The following WDR33 variants were observed in gnomAD, a reference collection of about 807,000 sequenced individuals.
WDR33 encodes WD repeat domain 33, also known as pre-mRNA 3' end processing protein WDR33.
WDR33 carries 47 observed loss-of-function variants against 164.9 expected under a neutral mutation model. The observed-to-expected ratio is 0.29, with a 90% CI of 0.23 to 0.36. The LOEUF (loss-of-function observed/expected upper bound fraction) is 0.36, where lower values mean the gene tolerates loss of function less well. Ranked by LOEUF, WDR33 falls within the 10% of genes least tolerant of loss-of-function variation. The pLI, the probability that WDR33 is intolerant of heterozygous loss-of-function variation, is 1.00. For synonymous variants in WDR33, 505 were observed against 589.0 expected, an observed-to-expected ratio of 0.86 and a Z score of 2.06; for missense variants, 1,137 against 1,754.1, an observed-to-expected ratio of 0.65 and a Z score of 6.28.
intron 7 of WDR33, among the ~76,000 whole-genome samples, chr2:127,731,517 G>A (rs967025353): frequency 2.0e-5 from 3 of 152,076 alleles, no homozygotes; most frequent in Non-Finnish European, 4.4e-5. Context: ...CCCTATGACT[G>A]CAAAAGCACA....
chr2:127,709,487 T>C lies in WDR33; in HGVS notation c.3565+3A>G, dbSNP rs1194475818. On this transcript the variant is annotated splice_donor_region_variant and intron_variant, in intron 20 of 21. Transcript: ENST00000322313. The surrounding 1 kb of genome is among the most constrained non-coding windows in gnomAD (Gnocchi z 5.0). ...TTACCCAACAAGCGGTTCTTTTCCT[T>C]ACCAGGCTCTCTGTTTCCATCCCAG... 6.2e-7 allele frequency: 1 copy of C among 1,613,826 alleles called. No individual in the cohort carries two copies. The highest frequency in any genetic ancestry group is 8.5e-7 in the Non-Finnish European group (1 of 1,179,730).
intron 1 of WDR33, among the ~76,000 whole-genome samples, chr2:127,777,232 C>G (rs1272591512): frequency 6.6e-6 from 1 of 152,240 alleles, no homozygotes; most frequent in East Asian, 1.9e-4. Flanking sequence ...GCAATCAGCA[C>G]AGTTTTATCA....
rs1686924365 is a variant in WDR33, at chr2:127,738,683, T to TGAGAGAAATAGTAGATA, written c.725-11907_725-11906insTATCTACTATTTCTCTC. Among the ~76,000 whole-genome samples, 1 of 152,178 alleles carries TGAGAGAAATAGTAGATA rather than the reference T, an allele frequency of 6.6e-6. No individual in the cohort carries two copies. The highest frequency in any genetic ancestry group is 1.5e-5 in the Non-Finnish European group (1 of 68,032). ...TCTCAAAAACCGACAATTCCCTGTC[T>TGAGAGAAATAGTAGATA]AATCATGAGAGAAATAGTAGATAAA... On this transcript the variant is annotated intron_variant, in intron 7 of 21. Transcript: ENST00000322313. This position sits in a 1 kb window ranked among gnomAD's most constrained non-coding sequence, Gnocchi z 4.4.
chr2:127,784,507 A>G (rs1688492729), intron 1 of WDR33, among the ~76,000 whole-genome samples: 1 of 152,146 alleles, frequency 6.6e-6, no homozygotes, highest in African/African-American at 2.4e-5. Context: ...CTCAGCCTCC[A>G]GAGTAGCGGG....
chr2:127,779,050 T>C (rs10168834), intron 1 of WDR33, among the ~76,000 whole-genome samples: 3,231 of 152,064 alleles, frequency 0.021, 124 homozygotes, highest in African/African-American at 0.075. Context: ...ATCAAAAAAA[T>C]GCTGACATGA....
At position 127,770,715 on chromosome 2, in the gene WDR33, A is replaced by G. The variant is rs1438122813; in HGVS notation, c.204+63T>C. On this transcript the variant is annotated intron_variant, in intron 2 of 21. Transcript: ENST00000322313. The surrounding 1 kb of genome is among the most constrained non-coding windows in gnomAD (Gnocchi z 4.9). ...TCAAAATAAATAAATAAATAAATAAATAAATAAATAAATAAATAAATAACC... is the reference window on the plus strand; with the variant it reads ...TCAAAATAAATAAATAAATAAATAAGTAAATAAATAAATAAATAAATAACC... 1.1e-6 allele frequency: 1 copy of G among 890,648 alleles called. No individual in the cohort carries two copies. Among genetic ancestry groups the G allele is most frequent in the African/African-American group, 1.8e-5 (1 of 56,266 alleles). 55.2% of individuals were successfully genotyped at this position (890,648 alleles called of 1,614,324 possible).
chr2:127,795,246 G>A (rs545910010), intron 1 of WDR33, among the ~76,000 whole-genome samples: 5 of 151,674 alleles, frequency 3.3e-5, no homozygotes, highest in South Asian at 4.1e-4. Flanking sequence ...GACTACAGGC[G>A]TGTACCACCA....
At position 127,709,336 on chromosome 2, in the gene WDR33, G is replaced by A. The variant is rs1686094469; in HGVS notation, c.3565+154C>T. Among the ~76,000 whole-genome samples the A allele has an allele frequency of 6.6e-6, 1 of 152,190 alleles. No homozygotes were observed. Among genetic ancestry groups the A allele is most frequent in the African/African-American group, 2.4e-5 (1 of 41,440 alleles). ...CTCTGCTCTGCATTCCACCTGCTGA[G>A]ATCAAGTGCTGCGGCTGCAGGACAG... On this transcript the variant is annotated intron_variant, in intron 20 of 21. Coordinates refer to ENST00000322313, the MANE Select transcript of WDR33 (RefSeq NM_018383.5). This position sits in a 1 kb window ranked among gnomAD's most constrained non-coding sequence, Gnocchi z 5.0.
rs1344731566 is a variant in WDR33, at chr2:127,718,294, T to C, written c.2760+971A>G. Among the ~76,000 whole-genome samples, 3 of 152,216 alleles carry C rather than the reference T, an allele frequency of 2.0e-5. No homozygotes were observed. Among genetic ancestry groups the C allele is most frequent in the Non-Finnish European group, 4.4e-5 (3 of 68,002 alleles). ...GCTTTCTACATCTGTAGCATCCCCT[T>C]TCTCCAAGTGTCTCAGGGAGTCAAC... On this transcript the variant is annotated intron_variant, in intron 16 of 21. Coordinates refer to ENST00000322313, the MANE Select transcript of WDR33 (RefSeq NM_018383.5). This position sits in a 1 kb window ranked among gnomAD's most constrained non-coding sequence, Gnocchi z 4.4.
At chr2:127,711,772 A>ATTTTTTTTTTTTTTTTT (rs1419760091) in intron 18 of WDR33, among the ~76,000 whole-genome samples, 6 of 87,738 alleles carry the variant, frequency 6.8e-5, no homozygotes, top group Admixed American at 2.3e-4. Context: ...ATATATATAT[A>ATTTTTTTTTTTTTTTTT]TATATATATT....
chr2:127,729,497 T>C (rs1176903456), intron 7 of WDR33, among the ~76,000 whole-genome samples: 1 of 147,998 alleles, frequency 6.8e-6, no homozygotes, highest in African/African-American at 2.5e-5. Flanking sequence ...AGACTATTCT[T>C]TTTTTTTTTT....
chr2:127,711,515 A>G (rs1401499890), intron 18 of WDR33, among the ~76,000 whole-genome samples: 1 of 151,250 alleles, frequency 6.6e-6, no homozygotes, highest in Non-Finnish European at 1.5e-5. Context: ...CGCAGATGTA[A>G]AGCTCTTCTA....
Position 127,703,329 on chromosome 2 carries a change from G to A in WDR33, c.*2994C>T, listed in dbSNP as rs1167321792. ...TTTAAAGCTCCCCAAGTGATTCTAC[G>A]TTCCCCAAGTTTGAGGACCACTTTT... On this transcript the variant is annotated 3_prime_UTR_variant, in exon 22 of 22. Coordinates refer to ENST00000322313, the MANE Select transcript of WDR33 (RefSeq NM_018383.5). 1 of 167,044 alleles carries A rather than the reference G, an allele frequency of 6.0e-6. No homozygotes were observed. Among genetic ancestry groups the A allele is most frequent in the East Asian group, 1.9e-4 (1 of 5,202 alleles). The allele number at this position is 167,044 out of a possible 1,614,324, so 10.3% of individuals were successfully genotyped here. A position where few individuals can be genotyped will look rare whatever the true frequency, so the allele number is the denominator to read the frequency against.
chr2:127,742,540 A>AAAAC (rs1687049181), intron 7 of WDR33, among the ~76,000 whole-genome samples: 1 of 146,966 alleles, frequency 6.8e-6, no homozygotes, highest in African/African-American at 2.5e-5. Context: ...AAAAAAAAAA[A>AAAAC]GGGAAGAAAA....
At chr2:127,750,056 T>C (rs890835534) in intron 7 of WDR33, among the ~76,000 whole-genome samples, 7 of 150,900 alleles carry the variant, frequency 4.6e-5, no homozygotes, top group African/African-American at 1.7e-4. Flanking sequence ...CAGGGTCTCA[T>C]TCTGCCACCC....
Position 127,719,232 on chromosome 2 carries a change from C to G in WDR33, c.2760+33G>C. ...TTACTTCTGTGCAGAGTGTATTTTC[C>G]CAATGTGCCCGTGAGTTGGAAATGA... On this transcript the variant is annotated intron_variant, in intron 16 of 21. Coordinates refer to ENST00000322313, the MANE Select transcript of WDR33 (RefSeq NM_018383.5). The surrounding 1 kb of genome is among the most constrained non-coding windows in gnomAD (Gnocchi z 6.5). 1 of 1,392,578 alleles carries G rather than the reference C, an allele frequency of 7.2e-7. No individual in the cohort carries two copies. 86.3% of individuals were successfully genotyped at this position (1,392,578 alleles called of 1,614,324 possible).
At position 127,737,608 on chromosome 2, in the gene WDR33, G is replaced by A. The variant is rs991838522; in HGVS notation, c.725-10831C>T. On this transcript the variant is annotated intron_variant, in intron 7 of 21. Transcript: ENST00000322313. Reference sequence around the variant, plus strand: ...TACCTACACTACGTTAATAATAGATGTATTAGTGCCAGCAGACAACCCAGG... The same window carrying A: ...TACCTACACTACGTTAATAATAGATATATTAGTGCCAGCAGACAACCCAGG... The A allele has an allele frequency of 3.0e-6, 3 of 1,004,330 alleles. No homozygotes were observed. In the African/African-American group the frequency reaches 5.2e-5, roughly 17 times the overall value. 62.2% of individuals were successfully genotyped at this position (1,004,330 alleles called of 1,614,324 possible).
At chr2:127,784,718 A>G (rs1305074916) in intron 1 of WDR33, among the ~76,000 whole-genome samples, 1 of 152,192 alleles carries the variant, frequency 6.6e-6, no homozygotes, top group Admixed American at 6.5e-5. Context: ...ACTCTGTTAC[A>G]TTAAAATCCA....
chr2:127,711,780 A>ATATATT, intron 18 of WDR33, among the ~76,000 whole-genome samples: 11 of 88,298 alleles, frequency 1.2e-4, no homozygotes, highest in East Asian at 5.7e-4. Flanking sequence ...ATATATATAT[A>ATATATT]TTTTTTTTTT....
Sources: allele counts gnomAD v4.1 joint callset (sites outside exome capture counted in the v4.1 genomes callset), GRCh38; gene constraint gnomAD v4.1.1; non-coding constraint Gnocchi (gnomAD v3.1); transcripts MANE v1.5; gene names NCBI Gene and HGNC (gene_info 2026-07-23, HGNC 2026-07-21).